The following DGKG variants were observed in gnomAD, a reference collection of about 807,000 sequenced individuals.
DGKG encodes DAG kinase gamma.
Under a neutral mutation model 105.3 loss-of-function variants are expected in DGKG, and 78 were observed. The observed-to-expected ratio is 0.74, with a 90% CI of 0.62 to 0.89. DGKG has a LOEUF of 0.89. Ranked by LOEUF, DGKG falls within the 40% of genes least tolerant of loss-of-function variation. The pLI is 0.00. For missense variants in DGKG, 958 were observed against 1,020.1 expected, an observed-to-expected ratio of 0.94 and a Z score of 0.83; for synonymous variants, 346 against 367.1, an observed-to-expected ratio of 0.94 and a Z score of 0.66.
At chr3:186,323,424 C>A (rs780119144) in intron 1 of DGKG, among the ~76,000 whole-genome samples, 1 of 152,034 alleles carries the variant, frequency 6.6e-6, no homozygotes. Context: ...CCCTGTTTTG[C>A]GGATGAGAAA....
chr3:186,162,742 C>A (rs1404166553), intron 23 of DGKG, among the ~76,000 whole-genome samples: 2 of 152,090 alleles, frequency 1.3e-5, no homozygotes, highest in Admixed American at 1.3e-4. Flanking sequence ...CAGGGTTTCA[C>A]CATGTTGGCC....
At chr3:186,336,807 A>G (rs1235878845) in intron 1 of DGKG, among the ~76,000 whole-genome samples, 3 of 152,212 alleles carry the variant, frequency 2.0e-5, no homozygotes. Flanking sequence ...GGAATGAAAA[A>G]GAAGACATAA....
chr3:186,354,052 A>T (rs763550651), intron 1 of DGKG, among the ~76,000 whole-genome samples: 1 of 152,126 alleles, frequency 6.6e-6, no homozygotes, highest in African/African-American at 2.4e-5. Flanking sequence ...TCTTTATGTC[A>T]GGTTCTGGGG....
Position 186,298,200 on chromosome 3 carries a change from G to A in DGKG, c.174C>T (p.Phe58=), listed in dbSNP as rs762760245. 6.2e-6 allele frequency: 10 copies of A among 1,611,266 alleles called. No homozygotes were observed. The South Asian group carries it at 1.1e-4, about 18-fold the overall frequency. ...EPISYDVFKL[F]MRAYLEVDLP... ...GGTCCACCTCCAGGTACGCCCTCATGAACAGCTTGAAGACATCATAGCTAA... is the reference window on the plus strand; with the variant it reads ...GGTCCACCTCCAGGTACGCCCTCATAAACAGCTTGAAGACATCATAGCTAA... Residue 58 remains phenylalanine, a synonymous_variant, in exon 4 of 25, where the codon TTC becomes TTT. Transcript: ENST00000265022.
chr3:186,326,250 G>A (rs908274575), intron 1 of DGKG, among the ~76,000 whole-genome samples: 1 of 152,040 alleles, frequency 6.6e-6, no homozygotes, highest in African/African-American at 2.4e-5. Flanking sequence ...AAATTAGCTG[G>A]GTGTGGTGGT....
intron 15 of DGKG, 62 bp from the exon 16 acceptor site, chr3:186,260,575 GA>G: frequency 7.6e-7 from 1 of 1,313,742 alleles, no homozygotes; most frequent in Non-Finnish European, 1.1e-6. Flanking sequence ...GTCATCGTGA[GA>G]AGTCACATTA....
intron 1 of DGKG, among the ~76,000 whole-genome samples, chr3:186,338,661 T>C (rs1486631836): frequency 6.6e-6 from 1 of 152,230 alleles, no homozygotes; most frequent in Non-Finnish European, 1.5e-5. Flanking sequence ...TTAATTCTTT[T>C]TTAAAAAGGG....
intron 22 of DGKG, among the ~76,000 whole-genome samples, chr3:186,172,297 C>T (rs972160262): frequency 1.3e-5 from 2 of 152,188 alleles, no homozygotes; most frequent in Non-Finnish European, 2.9e-5. Context: ...TACCCTCAAT[C>T]CCACCCCCAC....
chr3:186,313,978 A>G (rs1043714204), intron 2 of DGKG, among the ~76,000 whole-genome samples: 2 of 152,176 alleles, frequency 1.3e-5, no homozygotes, highest in Non-Finnish European at 2.9e-5. Flanking sequence ...ATGGTTCTAC[A>G]TATCAGCCCT....
chr3:186,268,007 A>G (rs1409546096), intron 12 of DGKG, among the ~76,000 whole-genome samples: 1 of 152,072 alleles, frequency 6.6e-6, no homozygotes, highest in Non-Finnish European at 1.5e-5. Flanking sequence ...GCTCATGGCT[A>G]CTGAAGCGAC....
At chr3:186,265,970 G>A (rs1722036507) in intron 13 of DGKG, among the ~76,000 whole-genome samples, 1 of 152,090 alleles carries the variant, frequency 6.6e-6, no homozygotes, top group African/African-American at 2.4e-5. Flanking sequence ...GCGCCTGGCC[G>A]TCGACTTGGC....
intron 2 of DGKG, 42 bp from the exon 3 acceptor site, chr3:186,307,019 T>C (rs778555500): frequency 1.5e-6 from 2 of 1,368,728 alleles, no homozygotes; most frequent in Non-Finnish European, 1.0e-6. Flanking sequence ...GGCAAATAGC[T>C]AATGGAAGCT....
chr3:186,258,755 A>T lies in DGKG; in HGVS notation c.1425-816T>A, dbSNP rs1721602594. 2.0e-5 allele frequency among the ~76,000 whole-genome samples: 3 copies of T among 152,150 alleles called. No individual in the cohort carries two copies. The South Asian group carries it at 6.2e-4, about 32-fold the overall frequency. On this transcript the variant is annotated intron_variant, in intron 16 of 24. Coordinates refer to ENST00000265022, the MANE Select transcript of DGKG (RefSeq NM_001346.3). ...CCTATTTGACGTATTGGTGAAGCTC[A>T]TATATTCTCATATCACTAATTTGTT...
At chr3:186,206,164 T>C (rs1718722383) in intron 21 of DGKG, among the ~76,000 whole-genome samples, 1 of 152,130 alleles carries the variant, frequency 6.6e-6, no homozygotes, top group Non-Finnish European at 1.5e-5. Context: ...GGCAGGTGGA[T>C]CATGAGGTCA....
chr3:186,178,488 G>A (rs1431777543), intron 22 of DGKG, among the ~76,000 whole-genome samples: 2 of 152,186 alleles, frequency 1.3e-5, no homozygotes, highest in African/African-American at 4.8e-5. Context: ...AAAAGTGAAA[G>A]GTTCCTTGGC....
At chr3:186,283,064 A>G (rs1722898969) in intron 7 of DGKG, among the ~76,000 whole-genome samples, 1 of 151,752 alleles carries the variant, frequency 6.6e-6, no homozygotes, top group African/African-American at 2.4e-5. Context: ...GTGTGCCAAC[A>G]TGCCCGGCTA....
intron 20 of DGKG, among the ~76,000 whole-genome samples, chr3:186,241,260 C>T (rs1720671880): frequency 6.6e-6 from 1 of 152,056 alleles, no homozygotes; most frequent in African/African-American, 2.4e-5. Context: ...CTTCAATGAA[C>T]ACTCTAACCT....
Position 186,272,359 on chromosome 3 carries a change from G to C in DGKG, c.911-16C>G. On this transcript the variant is annotated splice_polypyrimidine_tract_variant and intron_variant, in intron 10 of 24. Transcript: ENST00000265022. ...TATTTACAGTCTGAAAAGAAAAAAA[G>C]TCAAGGCAGGTGCTTGTGAATAGCC... 1.3e-6 allele frequency: 2 copies of C among 1,594,030 alleles called. No homozygotes were observed. The highest frequency in any genetic ancestry group is 1.7e-6 in the Non-Finnish European group (2 of 1,162,016).
intron 23 of DGKG, among the ~76,000 whole-genome samples, chr3:186,162,459 T>C (rs1428098104): frequency 1.3e-5 from 2 of 152,238 alleles, no homozygotes; most frequent in Non-Finnish European, 2.9e-5. Context: ...GTCAATGAGG[T>C]AATGTCTCCA....
Sources: gnomAD v4.1 joint callset for allele counts (sites outside exome capture counted in the v4.1 genomes callset) on GRCh38, gnomAD v4.1.1 for gene constraint, MANE v1.5 for transcripts, NCBI Gene and HGNC (gene_info 2026-07-23, HGNC 2026-07-21) for gene names.